MAST2: variants seen among roughly 807,000 people sequenced by gnomAD.
MAST2 encodes the protein microtubule-associated serine/threonine-protein kinase 2.
A neutral mutation model predicts 147.4 loss-of-function variants in MAST2; 70 were observed. That is an observed-to-expected ratio of 0.47 (90% CI 0.39 to 0.58). The LOEUF is 0.58. Ranked by LOEUF, MAST2 falls within the 20% of genes least tolerant of loss-of-function variation. MAST2 has a pLI of 0.00. For missense variants in MAST2, 2,080 were observed against 2,302.3 expected, an observed-to-expected ratio of 0.90 and a Z score of 1.98; for synonymous variants, 869 against 896.8, an observed-to-expected ratio of 0.97 and a Z score of 0.55.
At chr1:45,882,221 G>T in intron 3 of MAST2, 143 bp from the exon 4 acceptor site, 3 of 537,250 alleles carry the variant, frequency 5.6e-6, no homozygotes. Context: ...TAAAATTTAA[G>T]AGGCAAAGAA....
At chr1:46,004,192 G>A (rs530292354) in intron 7 of MAST2, among the ~76,000 whole-genome samples, 4 of 151,650 alleles carry the variant, frequency 2.6e-5, no homozygotes, top group African/African-American at 4.8e-5. Flanking sequence ...GTGAAACCCC[G>A]TCTCCACTAA....
intron 4 of MAST2, among the ~76,000 whole-genome samples, chr1:45,899,677 A>T (rs1159406595): frequency 6.6e-6 from 1 of 152,052 alleles, no homozygotes; most frequent in Admixed American, 6.6e-5. Flanking sequence ...CATGGTATAT[A>T]TGTACCACAT....
intron 2 of MAST2, among the ~76,000 whole-genome samples, chr1:45,828,875 G>A (rs1377715305): frequency 6.6e-6 from 1 of 151,682 alleles, no homozygotes; most frequent in African/African-American, 2.4e-5. Flanking sequence ...AATGAGCTGA[G>A]ATCACACCAC....
In MAST2 at chr1:46,036,032, C is replaced by T. The variant is rs781451405; in HGVS notation, c.5363C>T (p.Ala1788Val). ...PGGHQKHRDL[A>V]LVPDELLKQT ...GGCCATCAAAAGCATCGGGATTTGGCATTGGTTCCAGATGAGCTTTTAAAG... is the reference window on the plus strand; with the variant it reads ...GGCCATCAAAAGCATCGGGATTTGGTATTGGTTCCAGATGAGCTTTTAAAG... The change falls in exon 29 of 29, where the codon GCA becomes GTA. Residue 1788 changes from alanine to valine, a missense_variant. This residue lies in a region of MAST2 where 1,278 missense variants were observed against 1,304.2 expected (regional missense o/e 0.98). Transcript: ENST00000361297. 58 of 1,612,316 alleles carry T rather than the reference C, an allele frequency of 3.6e-5. 1 individual carries two copies. The South Asian group carries it at 6.2e-4, about 17-fold the overall frequency.
chr1:45,813,127 A>G (rs115704635), intron 1 of MAST2, among the ~76,000 whole-genome samples: 4,891 of 152,286 alleles, frequency 0.032, 116 homozygotes, highest in Non-Finnish European at 0.048. Flanking sequence ...TTTATAATAT[A>G]TAATACAATG....
chr1:45,831,323 G>A (rs1644950316), intron 3 of MAST2, among the ~76,000 whole-genome samples: 1 of 152,072 alleles, frequency 6.6e-6, no homozygotes, highest in South Asian at 2.1e-4. Context: ...TAAGCCTTTT[G>A]GGTCAACATA....
intron 1 of MAST2, among the ~76,000 whole-genome samples, chr1:45,814,664 A>G (rs1192697610): frequency 6.6e-6 from 1 of 152,176 alleles, no homozygotes; most frequent in African/African-American, 2.4e-5. Context: ...GCGCACGCCT[A>G]TAGTTCCAGC....
At chr1:45,914,508 G>T (rs1363483262) in intron 4 of MAST2, among the ~76,000 whole-genome samples, 2 of 152,208 alleles carry the variant, frequency 1.3e-5, no homozygotes, top group African/African-American at 2.4e-5. Context: ...GTAAATTAGA[G>T]AACCAGTGAA....
chr1:45,920,051 G>A (rs1653203782), intron 4 of MAST2, among the ~76,000 whole-genome samples: 1 of 152,072 alleles, frequency 6.6e-6, no homozygotes, highest in Admixed American at 6.5e-5. Context: ...CAGCACTTGA[G>A]GCTAATTTTT....
At chr1:45,833,528 C>A (rs1645019559) in intron 3 of MAST2, among the ~76,000 whole-genome samples, 1 of 151,988 alleles carries the variant, frequency 6.6e-6, no homozygotes, top group Non-Finnish European at 1.5e-5. Context: ...GTTTTCATTC[C>A]TCGTGGATAT....
At chr1:45,805,996 G>A (rs1270836313) in intron 1 of MAST2, among the ~76,000 whole-genome samples, 1 of 152,166 alleles carries the variant, frequency 6.6e-6, no homozygotes, top group Non-Finnish European at 1.5e-5. Context: ...TCCCAAAACT[G>A]ATGTCTTTAA....
At position 45,964,422 on chromosome 1, in the gene MAST2, A is replaced by G. The variant is rs140410779; in HGVS notation, c.592+4945A>G. Among the ~76,000 whole-genome samples the G allele has an allele frequency of 4.0e-3, 604 of 152,310 alleles. 1 individual carries two copies. Among genetic ancestry groups the G allele is most frequent in the Non-Finnish European group, 6.1e-3 (418 of 68,038 alleles). Reference sequence around the variant, plus strand: ...TGTCATTGGTCTATTAAGAGATTCAACTTCCTCCTGGTTTAGTCTTGGGAG... The same window carrying G: ...TGTCATTGGTCTATTAAGAGATTCAGCTTCCTCCTGGTTTAGTCTTGGGAG... On this transcript the variant is annotated intron_variant, in intron 5 of 28. Coordinates refer to ENST00000361297, the MANE Select transcript of MAST2 (RefSeq NM_015112.3).
chr1:45,870,774 A>G (rs1031650852), intron 3 of MAST2, among the ~76,000 whole-genome samples: 6 of 151,262 alleles, frequency 4.0e-5, no homozygotes, highest in Non-Finnish European at 7.4e-5. Flanking sequence ...AAAAAAAAAA[A>G]TTTAAGTAGC....
chr1:45,904,612 C>T (rs573468809), intron 4 of MAST2, among the ~76,000 whole-genome samples: 1 of 152,124 alleles, frequency 6.6e-6, no homozygotes, highest in East Asian at 1.9e-4. Flanking sequence ...ACTATAGACA[C>T]ATGCCACCAT....
intron 4 of MAST2, among the ~76,000 whole-genome samples, chr1:45,888,424 G>A (rs992004868): frequency 5.3e-5 from 8 of 151,726 alleles, no homozygotes; most frequent in East Asian, 1.9e-4. Flanking sequence ...GTACAGTGGC[G>A]CCATCTGGGC....
At chr1:45,937,621 G>A (rs187552994) in intron 4 of MAST2, among the ~76,000 whole-genome samples, 5 of 151,666 alleles carry the variant, frequency 3.3e-5, no homozygotes, top group African/African-American at 2.4e-5. Context: ...GTGTAGTGTC[G>A]CGTGCCTGTA....
chr1:46,002,110 T>TG (rs968416909), intron 6 of MAST2, among the ~76,000 whole-genome samples: 84 of 151,058 alleles, frequency 5.6e-4, no homozygotes, highest in African/African-American at 2.0e-3. Context: ...TGTGGCGGGG[T>TG]GGGGGGGCAT....
At chr1:45,996,749 A>C (rs995394998) in intron 5 of MAST2, among the ~76,000 whole-genome samples, 2 of 152,180 alleles carry the variant, frequency 1.3e-5, no homozygotes, top group Non-Finnish European at 2.9e-5. Flanking sequence ...TAAGTGCTAT[A>C]TAAGCCCTAT....
intron 1 of MAST2, among the ~76,000 whole-genome samples, chr1:45,820,893 CTTTTTTT>C (rs769508054): frequency 2.3e-4 from 10 of 43,078 alleles, no homozygotes; most frequent in South Asian, 1.1e-3. Context: ...CTTTCTTTCT[CTTTTTTT>C]TTTTTTTTTT....
Sources: gnomAD v4.1 joint callset for allele counts (sites outside exome capture counted in the v4.1 genomes callset) on GRCh38, gnomAD v4.1.1 for gene constraint, gnomAD v4.1.1 regional missense constraint, MANE v1.5 for transcripts, NCBI Gene and HGNC (gene_info 2026-07-23, HGNC 2026-07-21) for gene names.